Variants in LMF1 observed in about 807,000 individuals in gnomAD.
LMF1 encodes lipase maturation factor 1.
A neutral mutation model predicts 60.6 loss-of-function variants in LMF1; 68 were observed. That is an observed-to-expected ratio of 1.12 (90% confidence interval 0.92 to 1.37). LMF1 has a LOEUF of 1.37. LMF1 is among the 40% of genes most tolerant of loss of function. The pLI is 0.00. For synonymous variants in LMF1, 418 were observed against 324.7 expected, an observed-to-expected ratio of 1.29 and a Z score of -3.09; for missense variants, 948 against 767.2, an observed-to-expected ratio of 1.24 and a Z score of -2.78.
intron 3 of LMF1, among the ~76,000 whole-genome samples, chr16:927,890 C>G (rs1388047519): frequency 6.6e-6 from 1 of 152,226 alleles, no homozygotes; most frequent in African/African-American, 2.4e-5. Context: ...AGCCCAGTGT[C>G]TGGGGCCCCG....
At chr16:937,628 G>C (rs984959403) in intron 2 of LMF1, among the ~76,000 whole-genome samples, 2 of 152,242 alleles carry the variant, frequency 1.3e-5, no homozygotes, top group African/African-American at 4.8e-5. Context: ...CCCCAGCACA[G>C]GCCCTGCCCC....
At chr16:945,977 T>C (rs1444913123) in intron 2 of LMF1, among the ~76,000 whole-genome samples, 2 of 152,158 alleles carry the variant, frequency 1.3e-5, no homozygotes, top group African/African-American at 4.8e-5. Context: ...GTTTCTCTTG[T>C]TATGCAGCAA....
chr16:947,036 G>A lies in LMF1; in HGVS notation c.503+7321C>T, dbSNP rs73483862. ...AGGCAGGACTGAGTGCTAGGCAGGA[G>A]TCAGATATCACAGACAAAGACACCC... On this transcript the variant is annotated intron_variant, in intron 2 of 10. Coordinates refer to ENST00000262301, the MANE Select transcript of LMF1 (RefSeq NM_022773.4). Among the ~76,000 whole-genome samples, 1,288 of 152,348 alleles carry A rather than the reference G, an allele frequency of 8.5e-3. 21 individuals are homozygous for A. The highest frequency in any genetic ancestry group is 0.029 in the African/African-American group (1,223 of 41,578).
intron 4 of LMF1, among the ~76,000 whole-genome samples, chr16:907,547 CCT>C (rs1422305784): frequency 6.6e-5 from 10 of 152,116 alleles, no homozygotes; most frequent in Non-Finnish European, 1.2e-4. Context: ...CGGGGCTCCC[CCT>C]GAGATGGCTC....
chr16:859,896 G>A (rs969401889), intron 10 of LMF1, among the ~76,000 whole-genome samples: 3 of 144,384 alleles, frequency 2.1e-5, no homozygotes, highest in East Asian at 2.0e-4. Flanking sequence ...GTGGTGTCTC[G>A]GGATGGGTGT....
At position 860,467 on chromosome 16, in the gene LMF1, G is replaced by T. The variant is rs891628081; in HGVS notation, c.1530-5761C>A. ...TGATCCTCCCACCTCAGCCTCCCGA[G>T]TAGCTGGGACTACAGGCATGTGCCA... On this transcript the variant is annotated intron_variant, in intron 10 of 10. Transcript: ENST00000262301. Among the ~76,000 whole-genome samples the T allele has an allele frequency of 7.9e-5, 12 of 152,080 alleles. 1 individual carries two copies. Among genetic ancestry groups the T allele is most frequent in the African/African-American group, 2.9e-4 (12 of 41,460 alleles).
chr16:865,813 A>C (rs1336982520), intron 10 of LMF1, among the ~76,000 whole-genome samples: 1 of 152,108 alleles, frequency 6.6e-6, no homozygotes, highest in Non-Finnish European at 1.5e-5. Context: ...AGTCCCACAG[A>C]TCCCTGGGGC....
chr16:861,804 G>A (rs1460624258), intron 10 of LMF1, among the ~76,000 whole-genome samples: 6 of 152,148 alleles, frequency 3.9e-5, no homozygotes, highest in Non-Finnish European at 5.9e-5. Flanking sequence ...AGTGCCCAGC[G>A]CTTCCAGCAC....
rs1467883477 is a variant in LMF1, at chr16:955,224, G to A, written c.194-558C>T. On this transcript the variant is annotated intron_variant, in intron 1 of 10. Coordinates refer to ENST00000262301, the MANE Select transcript of LMF1 (RefSeq NM_022773.4). ...AAACTAGACAAGTTACATAAAAGGC[G>A]TGCCTGCAGCAGACGTGGTGTGTGC... 3.9e-5 allele frequency among the ~76,000 whole-genome samples: 5 copies of A among 128,822 alleles called. 2 individuals are homozygous for A. The highest frequency in any genetic ancestry group is 2.2e-4 in the East Asian group (1 of 4,530). The allele number at this position is 128,822 out of a possible 152,430, so 84.5% of individuals were successfully genotyped here.
intron 2 of LMF1, among the ~76,000 whole-genome samples, chr16:940,818 T>C (rs187803891): frequency 6.6e-6 from 1 of 152,212 alleles, no homozygotes; most frequent in East Asian, 1.9e-4. Context: ...AAGTGGCCGA[T>C]AGTGCCGTTC....
chr16:875,526 G>A (rs1048971969), intron 6 of LMF1, among the ~76,000 whole-genome samples: 1 of 152,158 alleles, frequency 6.6e-6, no homozygotes, highest in East Asian at 1.9e-4. Context: ...TCAGCACCTT[G>A]CTTTTCATGA....
At position 878,058 on chromosome 16, in the gene LMF1, A is replaced by G. The variant is rs964924692; in HGVS notation, c.897+1512T>C. ...CATGGGGTCTGGCTACACGGAACCG[A>G]CTGAAGCTATTCCAGGAGCCCCCAG... On this transcript the variant is annotated intron_variant, in intron 6 of 10. Transcript: ENST00000262301. The surrounding 1 kb of genome is among the most constrained non-coding windows in gnomAD (Gnocchi z 5.2). 5.9e-5 allele frequency among the ~76,000 whole-genome samples: 9 copies of G among 152,022 alleles called. No individual in the cohort carries two copies. Among genetic ancestry groups the G allele is most frequent in the Middle Eastern group, 3.2e-3 (1 of 316 alleles).
upstream of LMF1, among the ~76,000 whole-genome samples, chr16:972,714 G>A (rs1038538022): frequency 5.9e-5 from 9 of 152,222 alleles, no homozygotes; most frequent in Admixed American, 2.0e-4. Context: ...TCGCTGGGCC[G>A]AGCTGCTCTC....
intron 2 of LMF1, among the ~76,000 whole-genome samples, chr16:949,512 T>C (rs769625361): frequency 4.8e-3 from 255 of 52,744 alleles, no homozygotes; most frequent in African/African-American, 0.012. Flanking sequence ...TTAGAGACAA[T>C]GACAGAGTCA....
intron 4 of LMF1, chr16:900,917 C>G (rs2070794793): frequency 6.6e-6 from 1 of 152,156 alleles, no homozygotes; most frequent in Non-Finnish European, 1.5e-5. Flanking sequence ...TCTCTTTATC[C>G]TCCCGTGGGC....
intron 5 of LMF1, among the ~76,000 whole-genome samples, chr16:890,005 G>C (rs543028629): frequency 6.6e-6 from 1 of 152,156 alleles, no homozygotes; most frequent in Non-Finnish European, 1.5e-5. Flanking sequence ...CCATGTAGCT[G>C]TCCCTAAAAC....
At chr16:971,218 G>C (rs1413113271), upstream of LMF1, among the ~76,000 whole-genome samples, 3 of 152,242 alleles carry the variant, frequency 2.0e-5, no homozygotes, top group East Asian at 5.8e-4. Context: ...GCTGCGGGTA[G>C]GGCGCGGGGC....
At chr16:859,116 CG>C (rs1420583906) in intron 10 of LMF1, among the ~76,000 whole-genome samples, 1 of 126,432 alleles carries the variant, frequency 7.9e-6, no homozygotes, top group African/African-American at 3.5e-5. Flanking sequence ...AGTGATGTCT[CG>C]GGACGGGTGT....
intron 4 of LMF1, among the ~76,000 whole-genome samples, chr16:908,572 G>A (rs1460053187): frequency 6.6e-6 from 1 of 152,210 alleles, no homozygotes; most frequent in African/African-American, 2.4e-5. Context: ...TCGTGCCCTC[G>A]AGGGGATGGG....
Sources: allele counts gnomAD v4.1 joint callset (sites outside exome capture counted in the v4.1 genomes callset), GRCh38; gene constraint gnomAD v4.1.1; non-coding constraint Gnocchi (gnomAD v3.1); transcripts MANE v1.5; gene names NCBI Gene and HGNC (gene_info 2026-07-23, HGNC 2026-07-21).